The following RAPGEF1 variants were observed in gnomAD, a reference collection of about 807,000 sequenced individuals.
The protein encoded by RAPGEF1 is Rap guanine nucleotide exchange factor 1, also known as CRK SH3-binding GNRP.
In RAPGEF1, 33 loss-of-function variants were observed where a neutral mutation model predicts 143.3. The observed-to-expected ratio is 0.23, with a 90% CI of 0.17 to 0.31. The LOEUF (loss-of-function observed/expected upper bound fraction) is 0.31, where lower values mean the gene tolerates loss of function less well. Ranked by LOEUF, RAPGEF1 falls within the 10% of genes least tolerant of loss-of-function variation. The pLI is 1.00. For synonymous variants in RAPGEF1, 629 were observed against 676.5 expected (o/e 0.93, Z 1.09); for missense variants, 1,199 against 1,645.4 (o/e 0.73, Z 4.69).
At chr9:131,709,091 A>G (rs1294791900) in intron 1 of RAPGEF1, among the ~76,000 whole-genome samples, 8 of 152,152 alleles carry the variant, frequency 5.3e-5, no homozygotes, top group African/African-American at 1.9e-4. Context: ...GCTCACACCT[A>G]TAATCCCAGC....
rs779326667 is a variant in RAPGEF1, at chr9:131,588,812, C to G, written c.3042G>C (p.Gly1014=). Reference sequence around the variant, plus strand: ...GGTGGGCTTCTCACCTGGCTGCTACCCCCCGGGCTGCCAGGGGCTGGCTGG... The same window carrying G: ...GGTGGGCTTCTCACCTGGCTGCTACGCCCCGGGCTGCCAGGGGCTGGCTGG... The part of the protein sequence containing the change: ...ATSSQPLAAR[G]VAARPGTLHD... The change falls in exon 20 of 27, where the codon GGG becomes GGC. Residue 1014 remains glycine (G), a synonymous_variant. Coordinates refer to ENST00000683357, the MANE Select transcript of RAPGEF1 (RefSeq NM_001377935.1). 2.5e-6 allele frequency: 4 copies of G among 1,612,414 alleles called. No homozygotes were observed. The highest frequency in any genetic ancestry group is 1.1e-5 in the South Asian group (1 of 90,888).
intron 13 of RAPGEF1, among the ~76,000 whole-genome samples, chr9:131,604,564 A>G (rs1956799640): frequency 6.6e-6 from 1 of 152,234 alleles, no homozygotes; most frequent in Non-Finnish European, 1.5e-5. Context: ...AGGGCTTTGT[A>G]CCTTTCCCTA....
chr9:131,613,407 C>T (rs1958359589), intron 12 of RAPGEF1, among the ~76,000 whole-genome samples: 1 of 152,036 alleles, frequency 6.6e-6, no homozygotes, highest in South Asian at 2.1e-4. Flanking sequence ...GGCCCTGGTT[C>T]TGCAGGGATG....
chr9:131,585,347 A>C (rs1952531656), intron 22 of RAPGEF1, among the ~76,000 whole-genome samples: 1 of 131,784 alleles, frequency 7.6e-6, no homozygotes, highest in Non-Finnish European at 1.7e-5. Flanking sequence ...CTCTTGGCTA[A>C]TTTTAATTTT....
chr9:131,730,284 T>G (rs1409607679), intron 1 of RAPGEF1, among the ~76,000 whole-genome samples: 1 of 152,010 alleles, frequency 6.6e-6, no homozygotes, highest in African/African-American at 2.4e-5. Context: ...AAAAGCTATT[T>G]TGATGATTAG....
At chr9:131,658,339 A>G (rs1205632645) in intron 1 of RAPGEF1, among the ~76,000 whole-genome samples, 1 of 152,178 alleles carries the variant, frequency 6.6e-6, no homozygotes, top group African/African-American at 2.4e-5. Flanking sequence ...AAAGGACACA[A>G]AAGTCCTCCT....
intron 10 of RAPGEF1, among the ~76,000 whole-genome samples, chr9:131,622,978 G>C (rs562872307): frequency 6.6e-6 from 1 of 152,176 alleles, no homozygotes; most frequent in East Asian, 1.9e-4. Flanking sequence ...ATGTTGGTCT[G>C]GCTGGTCTTG....
At chr9:131,682,006 C>T (rs749624586) in intron 1 of RAPGEF1, among the ~76,000 whole-genome samples, 14 of 152,120 alleles carry the variant, frequency 9.2e-5, no homozygotes, top group African/African-American at 2.4e-4. Flanking sequence ...AGAGGGAAAG[C>T]GCATTTAGTT....
chr9:131,648,788 T>C (rs908626037), intron 3 of RAPGEF1, among the ~76,000 whole-genome samples: 8 of 151,884 alleles, frequency 5.3e-5, no homozygotes, highest in African/African-American at 1.9e-4. Context: ...TTAAAACCTT[T>C]ATTTTCCTCC....
rs1440887669 is a variant in RAPGEF1, at chr9:131,621,216, C to T, written c.1905+580G>A. Among the ~76,000 whole-genome samples the T allele has an allele frequency of 6.6e-6, 1 of 152,232 alleles. No individual in the cohort carries two copies. ...GCTGGCCCGTGCTTCCTTACATGCA[C>T]AGGAGTCCTTAGCACACGAGTGTTT... On this transcript the variant is annotated intron_variant, in intron 11 of 26. Transcript: ENST00000683357. The surrounding 1 kb of genome is among the most constrained non-coding windows in gnomAD (Gnocchi z 4.5).
chr9:131,690,259 CT>C (rs1364591255), intron 1 of RAPGEF1, among the ~76,000 whole-genome samples: 2 of 152,068 alleles, frequency 1.3e-5, no homozygotes, highest in Non-Finnish European at 2.9e-5. Flanking sequence ...AAGAATGAGA[CT>C]TTGTTAAGGG....
Position 131,614,840 on chromosome 9 carries a change from T to G in RAPGEF1, c.2061+4211A>C, listed in dbSNP as rs200166346. 4.2e-4 allele frequency among the ~76,000 whole-genome samples: 64 copies of G among 152,278 alleles called. No homozygotes were observed. The East Asian group carries it at 0.012, about 29-fold the overall frequency. On this transcript the variant is annotated intron_variant, in intron 12 of 26. Coordinates refer to ENST00000683357, the MANE Select transcript of RAPGEF1 (RefSeq NM_001377935.1). ...TTAACTCTCTTAGCCTGAAGTTTTT[T>G]TTTTTTTTTTAAACAGATGACAGTT... is the stretch of plus-strand genomic sequence containing the variant.
At chr9:131,696,145 AGACAGGCTGGCGGAAGCTACAACAT>A (rs1331353571) in intron 1 of RAPGEF1, among the ~76,000 whole-genome samples, 3 of 152,092 alleles carry the variant, frequency 2.0e-5, no homozygotes, top group Non-Finnish European at 4.4e-5. Flanking sequence ...GATCCAAGAG[AGACAGGCTGGCGGAAGCTACAACAT>A]CTTGTATGAC....
Position 131,577,463 on chromosome 9 carries a change from G to C in RAPGEF1, c.*2034C>G, listed in dbSNP as rs1253792584. The C allele has an allele frequency of 6.6e-6, 1 of 152,306 alleles. No individual in the cohort carries two copies. The highest frequency in any genetic ancestry group is 1.5e-5 in the Non-Finnish European group (1 of 68,080). 9.4% of individuals were successfully genotyped at this position (152,306 alleles called of 1,614,324 possible). On this transcript the variant is annotated 3_prime_UTR_variant, in exon 27 of 27. Transcript: ENST00000683357. ...ACACGGTTCTGCCTGCTGCTGGAGT[G>C]AGAGGCCTGGTTTCTGAGGCTGCAG...
intron 15 of RAPGEF1, among the ~76,000 whole-genome samples, chr9:131,598,725 C>T (rs568567574): frequency 3.7e-4 from 56 of 152,250 alleles, no homozygotes; most frequent in East Asian, 1.9e-3. Flanking sequence ...CGACTTGCCA[C>T]GGGACCCTTT....
intron 1 of RAPGEF1, among the ~76,000 whole-genome samples, chr9:131,695,491 T>C (rs138446952): frequency 6.6e-6 from 1 of 152,322 alleles, no homozygotes; most frequent in East Asian, 1.9e-4. Context: ...TCTCCCCAGA[T>C]TGCAAGCGCA....
chr9:131,591,713 G>T (rs1438764224), intron 18 of RAPGEF1, among the ~76,000 whole-genome samples: 5 of 152,196 alleles, frequency 3.3e-5, no homozygotes, highest in African/African-American at 9.7e-5. Context: ...CTGAGAAGCT[G>T]CCGGAGCCGA....
intron 1 of RAPGEF1, among the ~76,000 whole-genome samples, chr9:131,669,499 C>T (rs1831002969): frequency 6.6e-6 from 1 of 152,210 alleles, no homozygotes; most frequent in Non-Finnish European, 1.5e-5. Context: ...ACACGCAAAG[C>T]ACTTGCAAGG....
intron 17 of RAPGEF1, 125 bp from the exon 18 acceptor site, chr9:131,592,308 G>A (rs1317484823): frequency 7.3e-6 from 5 of 684,858 alleles, no homozygotes; most frequent in South Asian, 5.3e-5. Context: ...TGGGATGGGC[G>A]AGGGAGCCGA....
Sources: gnomAD v4.1 joint callset for allele counts (sites outside exome capture counted in the v4.1 genomes callset) on GRCh38, gnomAD v4.1.1 for gene constraint, Gnocchi (gnomAD v3.1) non-coding constraint, MANE v1.5 for transcripts, NCBI Gene and HGNC (gene_info 2026-07-23, HGNC 2026-07-21) for gene names.